PRKCA: variants seen among roughly 807,000 people sequenced by gnomAD.
PRKCA encodes protein kinase C alpha.
A neutral mutation model predicts 87.0 loss-of-function variants in PRKCA; 27 were observed. The ratio of observed to expected loss-of-function variants is 0.31; its 90% CI spans 0.23 to 0.43. The LOEUF is 0.43. Among genes scored for constraint, PRKCA ranks in the 20% least tolerant of loss-of-function variants. PRKCA has a pLI of 1.00. For missense variants in PRKCA, 518 were observed against 852.3 expected (o/e 0.61, Z 4.88); for synonymous variants, 329 against 311.1 (o/e 1.06, Z -0.61).
intron 2 of PRKCA, among the ~76,000 whole-genome samples, chr17:66,306,870 T>C (rs1446564893): frequency 2.0e-5 from 3 of 152,188 alleles, no homozygotes; most frequent in Non-Finnish European, 4.4e-5. Flanking sequence ...ATTAGCTAAC[T>C]TTTCTGGCTC....
chr17:66,760,578 A>G (rs897625003), intron 13 of PRKCA, among the ~76,000 whole-genome samples: 3 of 152,192 alleles, frequency 2.0e-5, no homozygotes, highest in Non-Finnish European at 4.4e-5. Flanking sequence ...AAAATAGAAA[A>G]CAGGGAAAGT....
chr17:66,302,789 C>T lies in PRKCA; in HGVS notation c.-63C>T, dbSNP rs1286411457. 3.6e-6 allele frequency: 5 copies of T among 1,401,838 alleles called. No homozygotes were observed. The highest frequency in any genetic ancestry group is 5.3e-5 in the Admixed American group (2 of 38,048). The allele number at this position is 1,401,838 out of a possible 1,614,324, so 86.8% of individuals were successfully genotyped here. The stretch of plus-strand genomic sequence containing the variant: ...GCCCGCACCTCTCCCCCGCCGCCCC[C>T]GCCCACCCGGCCCTCCGCGGCCGCA... On this transcript the variant is annotated 5_prime_UTR_variant, in exon 1 of 17. Transcript: ENST00000413366.
intron 3 of PRKCA, among the ~76,000 whole-genome samples, chr17:66,512,724 T>A (rs1917295692): frequency 6.6e-6 from 1 of 152,060 alleles, no homozygotes; most frequent in Non-Finnish European, 1.5e-5. Flanking sequence ...ATTATTATTT[T>A]TGAGCTGGCC....
intron 15 of PRKCA, chr17:66,787,269 A>G: frequency 3.9e-6 from 2 of 516,066 alleles, no homozygotes; most frequent in South Asian, 1.7e-5. Flanking sequence ...TCCTCCTTTC[A>G]TATTGCTATG....
At chr17:66,684,319 G>A (rs1264842043) in intron 5 of PRKCA, among the ~76,000 whole-genome samples, 13 of 152,292 alleles carry the variant, frequency 8.5e-5, no homozygotes, top group African/African-American at 2.6e-4. Flanking sequence ...TTCCAGATGA[G>A]GAAACTTAGG....
intron 2 of PRKCA, among the ~76,000 whole-genome samples, chr17:66,440,528 ATT>A (rs1277119011): frequency 1.3e-5 from 2 of 152,150 alleles, no homozygotes; most frequent in African/African-American, 2.4e-5. Context: ...AGAGATGGGT[ATT>A]CAGGAAATCC....
chr17:66,608,471 A>G (rs1462805314), intron 3 of PRKCA, among the ~76,000 whole-genome samples: 1 of 148,654 alleles, frequency 6.7e-6, no homozygotes, highest in African/African-American at 2.6e-5. Flanking sequence ...CTAACGCACT[A>G]TAAATTATGT....
intron 16 of PRKCA, among the ~76,000 whole-genome samples, chr17:66,801,366 A>C (rs1005244053): frequency 6.6e-6 from 1 of 152,202 alleles, no homozygotes; most frequent in African/African-American, 2.4e-5. Flanking sequence ...GTCCCACCCA[A>C]GTCATGATGA....
chr17:66,532,976 T>C (rs1452042864), intron 3 of PRKCA, among the ~76,000 whole-genome samples: 1 of 152,158 alleles, frequency 6.6e-6, no homozygotes, highest in African/African-American at 2.4e-5. Context: ...CTTCTTTCAG[T>C]GAAGGGGAAC....
chr17:66,544,525 A>G (rs1968089018), intron 3 of PRKCA, among the ~76,000 whole-genome samples: 1 of 152,192 alleles, frequency 6.6e-6, no homozygotes, highest in Non-Finnish European at 1.5e-5. Flanking sequence ...ACTCCCTTAC[A>G]TTGAGAGTTA....
intron 13 of PRKCA, among the ~76,000 whole-genome samples, chr17:66,744,154 A>C (rs559908340): frequency 6.6e-6 from 1 of 152,324 alleles, no homozygotes; most frequent in East Asian, 1.9e-4. Context: ...TTAGAAACTT[A>C]AATTCTGAAT....
chr17:66,622,757 A>G (rs1283966710), intron 3 of PRKCA, among the ~76,000 whole-genome samples: 5 of 152,224 alleles, frequency 3.3e-5, no homozygotes, highest in Non-Finnish European at 5.9e-5. Context: ...GGCACTTCTT[A>G]ACACGGTGGT....
intron 3 of PRKCA, among the ~76,000 whole-genome samples, chr17:66,581,295 A>C (rs935201870): frequency 6.6e-6 from 1 of 152,196 alleles, no homozygotes; most frequent in Non-Finnish European, 1.5e-5. Flanking sequence ...TTGGGATGCA[A>C]AAGCTGTCTT....
intron 3 of PRKCA, among the ~76,000 whole-genome samples, chr17:66,621,151 A>G (rs1405581224): frequency 1.3e-5 from 2 of 152,156 alleles, no homozygotes; most frequent in Admixed American, 1.3e-4. Flanking sequence ...TTTTGTTCTC[A>G]AGATTCTGGA....
chr17:66,622,066 A>G (rs1469878980), intron 3 of PRKCA, among the ~76,000 whole-genome samples: 2 of 151,776 alleles, frequency 1.3e-5, no homozygotes, highest in Admixed American at 1.3e-4. Context: ...ACAGCTAGCC[A>G]TGGCAGTAGC....
chr17:66,765,039 A>T (rs1974767402), intron 13 of PRKCA, among the ~76,000 whole-genome samples: 1 of 152,220 alleles, frequency 6.6e-6, no homozygotes, highest in Non-Finnish European at 1.5e-5. Flanking sequence ...ACAAAAGTAA[A>T]ATACAAGCCG....
At chr17:66,764,685 G>A (rs547258054) in intron 13 of PRKCA, among the ~76,000 whole-genome samples, 1 of 152,354 alleles carries the variant, frequency 6.6e-6, no homozygotes, top group African/African-American at 2.4e-5. Context: ...CCTCCCATGT[G>A]CAGCAGGGAA....
In PRKCA at chr17:66,546,062, T is replaced by C. The variant is rs750048805; in HGVS notation, c.288+49779T>C. 3.4e-4 allele frequency among the ~76,000 whole-genome samples: 51 copies of C among 152,226 alleles called. 1 individual carries two copies. Among genetic ancestry groups the C allele is most frequent in the Admixed American group, 2.3e-3 (35 of 15,284 alleles). ...GTCTTTAAGTCTAAAACGAGTTTCA[T>C]ATAGACAGTATCAGTATGTAGTCTG... On this transcript the variant is annotated intron_variant, in intron 3 of 16. Coordinates refer to ENST00000413366, the MANE Select transcript of PRKCA (RefSeq NM_002737.3).
intron 2 of PRKCA, among the ~76,000 whole-genome samples, chr17:66,406,606 TTTTA>T (rs1158185552): frequency 2.0e-5 from 3 of 147,116 alleles, no homozygotes; most frequent in African/African-American, 7.4e-5. Context: ...TTTTTTTTTT[TTTTA>T]AATGTCATAG....
Sources: allele counts gnomAD v4.1 joint callset (sites outside exome capture counted in the v4.1 genomes callset), GRCh38; gene constraint gnomAD v4.1.1; transcripts MANE v1.5; gene names NCBI Gene and HGNC (gene_info 2026-07-23, HGNC 2026-07-21).